XKR9: variants seen among roughly 807,000 people sequenced by gnomAD.
XKR9 encodes the protein XK related 9.
A neutral mutation model predicts 32.0 loss-of-function variants in XKR9; 32 were observed. That is an observed-to-expected ratio of 1.00 (90% CI 0.76 to 1.34). The LOEUF is 1.34. Ranked by LOEUF, XKR9 falls within the 40% of genes most tolerant of loss-of-function variation. XKR9 has a pLI of 0.00. For synonymous variants in XKR9, 168 were observed against 143.4 expected (o/e 1.17, Z -1.22); for missense variants, 546 against 429.7 (o/e 1.27, Z -2.39).
the XKR9 span, among the ~76,000 whole-genome samples, chr8:70,997,681 G>A: frequency 6.6e-6 from 1 of 152,056 alleles, no homozygotes; most frequent in East Asian, 1.9e-4. Context: ...CTTGGGCGAT[G>A]GGTATACCAA....
chr8:70,696,975 C>T (rs1805303155), intron 3 of XKR9, among the ~76,000 whole-genome samples: 1 of 151,308 alleles, frequency 6.6e-6, no homozygotes, highest in South Asian at 2.1e-4. Context: ...CATGATTTGG[C>T]TCTCTGTTTG....
chr8:71,027,946 A>T, the XKR9 span, among the ~76,000 whole-genome samples: 30 of 152,070 alleles, frequency 2.0e-4, no homozygotes, highest in South Asian at 1.9e-3. Context: ...ATTAAAAAAA[A>T]TTTTTTTTGT....
intron 2 of XKR9, among the ~76,000 whole-genome samples, chr8:70,755,232 T>A (rs1807203062): frequency 6.6e-6 from 1 of 151,962 alleles, no homozygotes; most frequent in Non-Finnish European, 1.5e-5. Flanking sequence ...CCACTTAGAG[T>A]GGCAATCATT....
At chr8:70,866,792 A>C in the XKR9 span, among the ~76,000 whole-genome samples, 15 of 152,070 alleles carry the variant, frequency 9.9e-5, no homozygotes, top group African/African-American at 3.1e-4. Flanking sequence ...GCCCTGGAGT[A>C]TGATATCCAA....
At chr8:71,029,530 T>C in the XKR9 span, among the ~76,000 whole-genome samples, 3 of 152,154 alleles carry the variant, frequency 2.0e-5, no homozygotes, top group African/African-American at 7.2e-5. Context: ...AATATAATAT[T>C]GCCAGTAGAG....
At chr8:70,908,328 CT>C in the XKR9 span, among the ~76,000 whole-genome samples, 3 of 152,102 alleles carry the variant, frequency 2.0e-5, no homozygotes, top group Non-Finnish European at 2.9e-5. Context: ...TCCATGTAAT[CT>C]TTTTTTCCTT....
the XKR9 span, among the ~76,000 whole-genome samples, chr8:70,902,623 G>C: frequency 6.1e-4 from 92 of 150,220 alleles, 1 homozygote; most frequent in African/African-American, 2.2e-3. Flanking sequence ...AATACCCTTT[G>C]TTTCTTTCTA....
At chr8:71,052,402 T>C in the XKR9 span, among the ~76,000 whole-genome samples, 1 of 152,186 alleles carries the variant, frequency 6.6e-6, no homozygotes, top group Non-Finnish European at 1.5e-5. Flanking sequence ...TGTCTTTATA[T>C]GGTTTTCTGA....
At chr8:71,007,420 T>A in the XKR9 span, among the ~76,000 whole-genome samples, 5 of 151,788 alleles carry the variant, frequency 3.3e-5, no homozygotes, top group African/African-American at 9.7e-5. Flanking sequence ...AAACCTAGAA[T>A]GAAAAGAATT....
the XKR9 span, among the ~76,000 whole-genome samples, chr8:70,816,524 G>A: frequency 2.6e-5 from 4 of 152,188 alleles, no homozygotes; most frequent in African/African-American, 9.6e-5. Context: ...TAAAGAAAAT[G>A]TGGTATTACT....
the XKR9 span, among the ~76,000 whole-genome samples, chr8:70,910,495 A>G: frequency 6.6e-6 from 1 of 152,186 alleles, no homozygotes; most frequent in Non-Finnish European, 1.5e-5. Flanking sequence ...TCTGTCAAAT[A>G]GTTATTTTTA....
At chr8:71,022,095 A>G in the XKR9 span, among the ~76,000 whole-genome samples, 1 of 152,202 alleles carries the variant, frequency 6.6e-6, no homozygotes, top group Non-Finnish European at 1.5e-5. Context: ...TAGGGAGTCC[A>G]TTCCACAGTG....
chr8:70,705,007 G>A (rs1221066281), intron 3 of XKR9, among the ~76,000 whole-genome samples: 1 of 152,138 alleles, frequency 6.6e-6, no homozygotes, highest in Non-Finnish European at 1.5e-5. Context: ...CTTCATCAGG[G>A]AATGTTATTC....
intron 2 of XKR9, among the ~76,000 whole-genome samples, chr8:70,751,050 A>G (rs1807132872): frequency 6.6e-6 from 1 of 152,174 alleles, no homozygotes; most frequent in African/African-American, 2.4e-5. Context: ...TCCGACTTGA[A>G]CTGCAGTATT....
At chr8:70,693,693 G>A (rs1017001629) in intron 3 of XKR9, among the ~76,000 whole-genome samples, 3 of 152,210 alleles carry the variant, frequency 2.0e-5, no homozygotes, top group African/African-American at 7.2e-5. Flanking sequence ...AGCCCAAGAC[G>A]GAAGGTTTGT....
At chr8:70,730,150 C>T (rs749389690) in intron 4 of XKR9, among the ~76,000 whole-genome samples, 1 of 152,102 alleles carries the variant, frequency 6.6e-6, no homozygotes, top group Non-Finnish European at 1.5e-5. Context: ...ATACCTTGTC[C>T]TTCCTCCCCC....
chr8:70,718,738 T>C (rs1806174855), intron 4 of XKR9, among the ~76,000 whole-genome samples: 1 of 152,220 alleles, frequency 6.6e-6, no homozygotes, highest in Non-Finnish European at 1.5e-5. Context: ...GCATTTGGGT[T>C]GTTTCCAAGT....
chr8:70,891,304 A>C, the XKR9 span, among the ~76,000 whole-genome samples: 1 of 151,078 alleles, frequency 6.6e-6, no homozygotes, highest in African/African-American at 2.4e-5. Flanking sequence ...TTTTGCTCTG[A>C]TATTTATTAT....
intron 1 of XKR9, among the ~76,000 whole-genome samples, chr8:70,673,594 G>A (rs773888805): frequency 6.6e-6 from 1 of 152,074 alleles, no homozygotes; most frequent in Non-Finnish European, 1.5e-5. Flanking sequence ...GTGAAACCCT[G>A]TCTCTACTAA....
Sources: allele counts gnomAD v4.1 joint callset (sites outside exome capture counted in the v4.1 genomes callset), GRCh38; gene constraint gnomAD v4.1.1; transcripts MANE v1.5; gene names NCBI Gene and HGNC (gene_info 2026-07-23, HGNC 2026-07-21).